The following DLGAP1 variants were observed in gnomAD, a reference collection of about 807,000 sequenced individuals.
The protein encoded by DLGAP1 is DLG associated protein 1.
A neutral mutation model predicts 90.8 loss-of-function variants in DLGAP1; 11 were observed. The ratio of observed to expected loss-of-function variants is 0.12; its 90% CI spans 0.08 to 0.20. DLGAP1 has a LOEUF of 0.20. DLGAP1 is among the 10% of genes least tolerant of loss of function. The probability of loss-of-function intolerance (pLI) is 1.00; values close to 1 mark genes in which losing one functional copy is unlikely to be tolerated. For missense variants in DLGAP1, 1,050 were observed against 1,333.8 expected, an observed-to-expected ratio of 0.79 and a Z score of 3.31; for synonymous variants, 558 against 540.7, an observed-to-expected ratio of 1.03 and a Z score of -0.44.
At chr18:4,258,368 C>CGT in intron 1 of DLGAP1, among the ~76,000 whole-genome samples, 1 of 152,160 alleles carries the variant, frequency 6.6e-6, no homozygotes. Flanking sequence ...TCAACATAGC[C>CGT]GTCAACACCA....
intron 3 of DLGAP1, among the ~76,000 whole-genome samples, chr18:3,993,379 T>G (rs1019947140): frequency 7.9e-5 from 12 of 152,160 alleles, no homozygotes; most frequent in Admixed American, 3.9e-4. Flanking sequence ...ATCAATTGCT[T>G]TCTTACAGAG....
chr18:3,973,798 A>G lies in DLGAP1; in HGVS notation c.-73+31318T>C, dbSNP rs562756885. 4.6e-5 allele frequency among the ~76,000 whole-genome samples: 7 copies of G among 152,340 alleles called. No individual in the cohort carries two copies. The South Asian group carries it at 1.0e-3, about 23-fold the overall frequency. On this transcript the variant is annotated intron_variant, in intron 3 of 12. Transcript: ENST00000315677. ...TGAGGGTTCACAAGGAAAACACAGG[A>G]GAAGATAATACTGTAGAGTCATGCA...
At chr18:4,322,410 T>TA (rs1466127543) in intron 1 of DLGAP1, among the ~76,000 whole-genome samples, 1 of 152,144 alleles carries the variant, frequency 6.6e-6, no homozygotes, top group Non-Finnish European at 1.5e-5. Context: ...TCTTTTCACT[T>TA]AATGATGTTG....
intron 1 of DLGAP1, among the ~76,000 whole-genome samples, chr18:4,325,816 A>T (rs930615070): frequency 4.0e-4 from 61 of 152,220 alleles, no homozygotes; most frequent in African/African-American, 1.4e-3. Context: ...CATATGCATT[A>T]GATTGAAACT....
intron 2 of DLGAP1, among the ~76,000 whole-genome samples, chr18:4,019,223 T>C (rs2074570494): frequency 2.0e-5 from 3 of 152,178 alleles, no homozygotes; most frequent in Admixed American, 2.0e-4. Context: ...CCCGACATTA[T>C]GCATTAGAAG....
At chr18:4,034,032 C>T (rs193201461) in intron 2 of DLGAP1, among the ~76,000 whole-genome samples, 1,712 of 140,038 alleles carry the variant, frequency 0.012, 45 homozygotes, top group African/African-American at 0.041. Context: ...CCACCGCGCC[C>T]GGCCCTTTTT....
At chr18:3,520,730 C>T (rs2051131687) in intron 10 of DLGAP1, among the ~76,000 whole-genome samples, 1 of 152,232 alleles carries the variant, frequency 6.6e-6, no homozygotes, top group African/African-American at 2.4e-5. Flanking sequence ...TTTAAGTGAC[C>T]TGTTCCATGG....
At chr18:4,351,528 C>A (rs560223614) in intron 1 of DLGAP1, among the ~76,000 whole-genome samples, 1 of 152,086 alleles carries the variant, frequency 6.6e-6, no homozygotes, top group African/African-American at 2.4e-5. Context: ...ATTTCTGTTT[C>A]TAATTTAAAA....
At chr18:3,675,647 C>T (rs2060271285) in intron 7 of DLGAP1, among the ~76,000 whole-genome samples, 1 of 152,218 alleles carries the variant, frequency 6.6e-6, no homozygotes, top group Non-Finnish European at 1.5e-5. Flanking sequence ...GCCTCATCCT[C>T]CAGCTGACTC....
chr18:4,159,146 C>G (rs897820928), intron 1 of DLGAP1, among the ~76,000 whole-genome samples: 1 of 152,134 alleles, frequency 6.6e-6, no homozygotes, highest in Non-Finnish European at 1.5e-5. Flanking sequence ...GCACATAGTA[C>G]CTTGCTGCCC....
In DLGAP1 at chr18:3,660,633, T is replaced by C. The variant is rs150283004; in HGVS notation, c.1591+68502A>G. Among the ~76,000 whole-genome samples, 166 of 152,378 alleles carry C rather than the reference T, an allele frequency of 1.1e-3. 1 individual carries two copies. The highest frequency in any genetic ancestry group is 3.7e-3 in the African/African-American group (154 of 41,584). On this transcript the variant is annotated intron_variant, in intron 7 of 12. Transcript: ENST00000315677. The surrounding 1 kb of genome is among the most constrained non-coding windows in gnomAD (Gnocchi z 4.2). ...GCTGAGTACTGAGATTTCATTATAT[T>C]GACCACTGTCTATTTCTACTCAGAG...
chr18:3,595,546 G>A (rs916935169), intron 7 of DLGAP1, among the ~76,000 whole-genome samples: 3 of 152,172 alleles, frequency 2.0e-5, no homozygotes, highest in African/African-American at 7.2e-5. Context: ...TATGTGCCTG[G>A]ACCACTTAAC....
chr18:3,600,777 T>G lies in DLGAP1; in HGVS notation c.1592-18529A>C, dbSNP rs539755098. Among the ~76,000 whole-genome samples the G allele has an allele frequency of 1.6e-4, 17 of 108,814 alleles. 1 individual carries two copies. Among genetic ancestry groups the G allele is most frequent in the East Asian group, 9.1e-4 (4 of 4,410 alleles). 71.4% of individuals were successfully genotyped at this position (108,814 alleles called of 152,430 possible). ...ATATAGATATATAGATATATATAGA[T>G]ATATAGATATATATAGATATATAGA... On this transcript the variant is annotated intron_variant, in intron 7 of 12. Transcript: ENST00000315677.
At chr18:4,194,907 C>T (rs2144760263) in intron 1 of DLGAP1, among the ~76,000 whole-genome samples, 1 of 152,318 alleles carries the variant, frequency 6.6e-6, no homozygotes, top group African/African-American at 2.4e-5. Context: ...CCTCACCTCC[C>T]TCACCTATCA....
intron 5 of DLGAP1, among the ~76,000 whole-genome samples, chr18:3,764,439 C>CATTT (rs1555659085): frequency 3.3e-5 from 5 of 152,050 alleles, no homozygotes; most frequent in Admixed American, 2.0e-4. Flanking sequence ...GCCCAGGCCT[C>CATTT]GTTTGTTTGT....
chr18:3,515,951 AGAAGTAACT>A (rs1475247107), intron 10 of DLGAP1, among the ~76,000 whole-genome samples: 7 of 152,154 alleles, frequency 4.6e-5, no homozygotes, highest in African/African-American at 1.2e-4. Flanking sequence ...CTCATCCATA[AGAAGTAACT>A]ACTCCTCTGT....
chr18:4,166,037 C>T (rs1229321137), intron 1 of DLGAP1, among the ~76,000 whole-genome samples: 1 of 151,916 alleles, frequency 6.6e-6, no homozygotes, highest in African/African-American at 2.4e-5. Context: ...CATGTGCCTG[C>T]AGTACTAGCC....
chr18:4,393,281 C>T (rs1354195102), intron 1 of DLGAP1, among the ~76,000 whole-genome samples: 4 of 148,478 alleles, frequency 2.7e-5, no homozygotes, highest in Admixed American at 2.7e-4. Context: ...ATTTGCATAC[C>T]TAGACTCCTC....
intron 3 of DLGAP1, among the ~76,000 whole-genome samples, chr18:3,988,674 C>T (rs1262427715): frequency 5.9e-5 from 9 of 152,128 alleles, no homozygotes; most frequent in Non-Finnish European, 1.3e-4. Flanking sequence ...GAAGCTTCCA[C>T]TCACCTGCGA....
Sources: gnomAD v4.1 joint callset for allele counts (sites outside exome capture counted in the v4.1 genomes callset) on GRCh38, gnomAD v4.1.1 for gene constraint, Gnocchi (gnomAD v3.1) non-coding constraint, MANE v1.5 for transcripts, NCBI Gene and HGNC (gene_info 2026-07-23, HGNC 2026-07-21) for gene names.